Variants in PRKG1 observed in about 807,000 individuals in gnomAD.
PRKG1 encodes the protein cGMP-dependent protein kinase 1.
In PRKG1, 35 loss-of-function variants were observed where a neutral mutation model predicts 88.1. That is an observed-to-expected ratio of 0.40 (90% CI 0.30 to 0.53). PRKG1 has a LOEUF of 0.53. Ranked by LOEUF, PRKG1 falls within the 20% of genes least tolerant of loss-of-function variation. The probability of loss-of-function intolerance (pLI) is 0.59; values close to 1 mark genes in which losing one functional copy is unlikely to be tolerated. For missense variants in PRKG1, 540 were observed against 839.8 expected, an observed-to-expected ratio of 0.64 and a Z score of 4.41; for synonymous variants, 303 against 292.5, an observed-to-expected ratio of 1.04 and a Z score of -0.37.
chr10:52,021,687 AT>A (rs1564433290), intron 5 of PRKG1, among the ~76,000 whole-genome samples: 1 of 152,224 alleles, frequency 6.6e-6, no homozygotes, highest in Non-Finnish European at 1.5e-5. Context: ...AATATGCATC[AT>A]TTGAATTACC....
chr10:51,562,272 T>C (rs1837486084), intron 3 of PRKG1, among the ~76,000 whole-genome samples: 1 of 152,012 alleles, frequency 6.6e-6, no homozygotes, highest in African/African-American at 2.4e-5. Flanking sequence ...TAATGAATTT[T>C]ATGTCACAGG....
At chr10:52,223,163 A>C (rs1431767278) in intron 9 of PRKG1, among the ~76,000 whole-genome samples, 1 of 152,136 alleles carries the variant, frequency 6.6e-6, no homozygotes, top group Admixed American at 6.6e-5. Flanking sequence ...TTTGACTGCT[A>C]ATCCAGTTCT....
chr10:51,846,059 C>T (rs1840390400), intron 4 of PRKG1, among the ~76,000 whole-genome samples: 1 of 152,060 alleles, frequency 6.6e-6, no homozygotes, highest in African/African-American at 2.4e-5. Flanking sequence ...AACCAGCTCC[C>T]CCAAAATGGG....
chr10:51,626,697 G>T (rs767191707), intron 3 of PRKG1, among the ~76,000 whole-genome samples: 20 of 152,056 alleles, frequency 1.3e-4, no homozygotes, highest in Non-Finnish European at 2.5e-4. Flanking sequence ...TCTTCATTCT[G>T]TAATATTTGC....
chr10:52,047,000 T>A (rs1443556202), intron 5 of PRKG1: 1 of 152,032 alleles, frequency 6.6e-6, no homozygotes, highest in Non-Finnish European at 1.5e-5. Context: ...GAGTGGAAGA[T>A]GAGATGTAGC....
rs769196029 is a variant in PRKG1, at chr10:51,698,668, C to T, written c.593-105917C>T. On this transcript the variant is annotated intron_variant, in intron 3 of 17. Coordinates refer to ENST00000373980, the MANE Select transcript of PRKG1 (RefSeq NM_006258.4). Reference sequence around the variant, plus strand: ...CCCGCTCTAAAGGCACTGGGCCAACCCCTGGCATTCCAAGTTGGGGCTGCA... The same window carrying T: ...CCCGCTCTAAAGGCACTGGGCCAACTCCTGGCATTCCAAGTTGGGGCTGCA... 5.6e-6 allele frequency: 9 copies of T among 1,614,072 alleles called. No homozygotes were observed. The East Asian group carries it at 1.6e-4, about 28-fold the overall frequency.
intron 2 of PRKG1, among the ~76,000 whole-genome samples, chr10:51,339,995 C>G (rs550389660): frequency 6.6e-6 from 1 of 152,186 alleles, no homozygotes; most frequent in South Asian, 2.1e-4. Context: ...ACTTATACTT[C>G]CATCAGTAGT....
intron 3 of PRKG1, among the ~76,000 whole-genome samples, chr10:51,522,602 G>A (rs371299860): frequency 7.2e-5 from 11 of 152,184 alleles, no homozygotes; most frequent in East Asian, 5.8e-4. Context: ...GACAGTGAGG[G>A]GTGTATGTGA....
chr10:51,994,729 T>G (rs1329089463), intron 5 of PRKG1, among the ~76,000 whole-genome samples: 1 of 152,178 alleles, frequency 6.6e-6, no homozygotes, highest in African/African-American at 2.4e-5. Flanking sequence ...CTGTTGTCTC[T>G]TCATATATTT....
chr10:52,123,287 G>A (rs753896230), intron 7 of PRKG1, among the ~76,000 whole-genome samples: 15 of 152,126 alleles, frequency 9.9e-5, no homozygotes, highest in Non-Finnish European at 2.1e-4. Flanking sequence ...CAGTCTCTCA[G>A]GAAGTGAATT....
At chr10:51,898,612 A>T (rs1475807250) in intron 4 of PRKG1, among the ~76,000 whole-genome samples, 3 of 152,056 alleles carry the variant, frequency 2.0e-5, no homozygotes, top group African/African-American at 7.2e-5. Flanking sequence ...AGGAGGGAGG[A>T]TCACTTGAGG....
chr10:50,991,180 A>G lies in PRKG1; in HGVS notation c.-199A>G, dbSNP rs1366007892. On this transcript the variant is annotated 5_prime_UTR_variant, in exon 1 of 18. Coordinates refer to the PRKG1 transcript ENST00000401604. The surrounding 1 kb of genome is among the most constrained non-coding windows in gnomAD (Gnocchi z 4.5). ...TTCTCATCCTCCCCTCGGTGCTTTTAGTCCATTCAGCAGAAGCGGATCGAA... is the reference window on the plus strand; with the variant it reads ...TTCTCATCCTCCCCTCGGTGCTTTTGGTCCATTCAGCAGAAGCGGATCGAA... The G allele has an allele frequency of 7.4e-6, 5 of 675,992 alleles. No individual in the cohort carries two copies. The highest frequency in any genetic ancestry group is 2.0e-5 in the African/African-American group (1 of 50,558). 41.9% of individuals were successfully genotyped at this position (675,992 alleles called of 1,614,324 possible).
intron 1 of PRKG1, among the ~76,000 whole-genome samples, chr10:51,118,501 A>G (rs915201006): frequency 2.6e-4 from 40 of 152,192 alleles, no homozygotes; most frequent in African/African-American, 9.6e-4. Flanking sequence ...AACTCTGTTT[A>G]TTATCATTAC....
intron 3 of PRKG1, among the ~76,000 whole-genome samples, chr10:51,624,617 A>G (rs747081825): frequency 2.0e-5 from 3 of 152,190 alleles, no homozygotes; most frequent in Non-Finnish European, 4.4e-5. Flanking sequence ...TCAACACATC[A>G]GTGTTTCTCT....
chr10:51,636,348 G>A (rs915764338), intron 3 of PRKG1, among the ~76,000 whole-genome samples: 1 of 152,136 alleles, frequency 6.6e-6, no homozygotes, highest in African/African-American at 2.4e-5. Context: ...AATCAATTCT[G>A]TAAATTAACA....
intron 4 of PRKG1, among the ~76,000 whole-genome samples, chr10:51,868,402 A>G (rs1841070775): frequency 6.6e-6 from 1 of 152,158 alleles, no homozygotes; most frequent in African/African-American, 2.4e-5. Context: ...TTGATGTGAG[A>G]ACAATAAGAA....
chr10:51,042,366 A>C (rs925164629), intron 1 of PRKG1, among the ~76,000 whole-genome samples: 1 of 152,170 alleles, frequency 6.6e-6, no homozygotes, highest in South Asian at 2.1e-4. Context: ...ACCTCAAGGT[A>C]ATGCCCTAAT....
At chr10:52,130,054 G>A (rs1202301385) in intron 7 of PRKG1, among the ~76,000 whole-genome samples, 2 of 152,132 alleles carry the variant, frequency 1.3e-5, no homozygotes, top group African/African-American at 2.4e-5. Flanking sequence ...CCTTTGTTAT[G>A]TGCAACAAAT....
chr10:51,948,599 G>A (rs190313335), intron 5 of PRKG1, among the ~76,000 whole-genome samples: 1 of 151,750 alleles, frequency 6.6e-6, no homozygotes, highest in East Asian at 1.9e-4. Context: ...TACATATACT[G>A]TACTTTTTGT....
Sources: allele counts gnomAD v4.1 joint callset (sites outside exome capture counted in the v4.1 genomes callset), GRCh38; gene constraint gnomAD v4.1.1; non-coding constraint Gnocchi (gnomAD v3.1); transcripts MANE v1.5; gene names NCBI Gene and HGNC (gene_info 2026-07-23, HGNC 2026-07-21).